Variants in GLYATL3 observed in about 807,000 individuals in gnomAD.
GLYATL3 encodes the protein glycine N-acyltransferase-like protein 3.
A neutral mutation model predicts 28.5 loss-of-function variants in GLYATL3; 31 were observed. That is an observed-to-expected ratio of 1.09 (90% CI 0.82 to 1.47). The LOEUF is 1.47. Among genes scored for constraint, GLYATL3 ranks in the 40% most tolerant of loss-of-function variants. The probability of loss-of-function intolerance (pLI) is 0.00; values close to 1 mark genes in which losing one functional copy is unlikely to be tolerated. For synonymous variants in GLYATL3, 141 were observed against 140.2 expected, an observed-to-expected ratio of 1.01 and a Z score of -0.04; for missense variants, 369 against 351.5, an observed-to-expected ratio of 1.05 and a Z score of -0.40.
intron 1 of GLYATL3, among the ~76,000 whole-genome samples, chr6:49,503,291 T>C (rs886734142): frequency 3.9e-5 from 6 of 152,284 alleles, no homozygotes; most frequent in African/African-American, 1.4e-4. Flanking sequence ...GTTGTCTTAG[T>C]TTTCGAGGTG....
chr6:49,517,513 A>G lies in GLYATL3; in HGVS notation c.270A>G (p.Glu90=), dbSNP rs1194966370. The G allele has an allele frequency of 6.4e-7, 1 of 1,551,168 alleles. No homozygotes were observed. Among genetic ancestry groups the G allele is most frequent in the Non-Finnish European group, 8.7e-7 (1 of 1,146,490 alleles). ...TCAGGGCTTATCGACAGCTATTGGA[A>G]GAATGTGATGTTTTTAACTGGGACC... ...KDVRAYRQLL[E]ECDVFNWDQV... Residue 90 remains glutamate (E), a synonymous_variant, in exon 4 of 6, where the codon GAA becomes GAG. Coordinates refer to ENST00000371197, the MANE Select transcript of GLYATL3 (RefSeq NM_001010904.2).
rs900626026 is a variant in GLYATL3 at position 49,527,426 on chromosome 6, A to T, written c.*512A>T. On this transcript the variant is annotated 3_prime_UTR_variant, in exon 6 of 6. Coordinates refer to ENST00000371197, the MANE Select transcript of GLYATL3 (RefSeq NM_001010904.2). The stretch of plus-strand genomic sequence containing the variant: ...GTAACCTCCTTTTTCCCCTTTAATT[A>T]CTTGCTCTTTACTTCTGCCTAGGAC... Among the ~76,000 whole-genome samples, 2 of 151,938 alleles carry T rather than the reference A, an allele frequency of 1.3e-5. No individual in the cohort carries two copies. The highest frequency in any genetic ancestry group is 2.9e-5 in the Non-Finnish European group (2 of 68,002).
intron 4 of GLYATL3, 136 bp downstream of exon 4, chr6:49,517,692 C>A: frequency 1.8e-6 from 1 of 546,212 alleles, no homozygotes; most frequent in Non-Finnish European, 3.0e-6. Flanking sequence ...AATACATACA[C>A]ATACATTTTA....
chr6:49,518,048 G>A (rs1238949715), intron 4 of GLYATL3, among the ~76,000 whole-genome samples: 1 of 152,002 alleles, frequency 6.6e-6, no homozygotes, highest in Non-Finnish European at 1.5e-5. Context: ...TCTGAGTCAA[G>A]GTCTTGCTCT....
intron 4 of GLYATL3, among the ~76,000 whole-genome samples, chr6:49,519,487 T>C (rs1489379741): frequency 2.0e-5 from 3 of 152,198 alleles, no homozygotes; most frequent in Non-Finnish European, 2.9e-5. Flanking sequence ...GAATACTGAA[T>C]ACCTTCTAAG....
chr6:49,509,967 TTTCTTTCTTTC>T (rs1315632129), intron 1 of GLYATL3, among the ~76,000 whole-genome samples: 7 of 145,740 alleles, frequency 4.8e-5, no homozygotes, highest in African/African-American at 1.8e-4. Flanking sequence ...TCTTTCTTTC[TTTCTTTCTTTC>T]TTTCTTTCTT....
chr6:49,507,168 A>AG (rs1262465450), intron 1 of GLYATL3, among the ~76,000 whole-genome samples: 1 of 152,130 alleles, frequency 6.6e-6, no homozygotes, highest in African/African-American at 2.4e-5. Flanking sequence ...GAGGACTAGT[A>AG]GGGGGGTCAG....
chr6:49,510,564 A>C (rs1769104765), intron 1 of GLYATL3, among the ~76,000 whole-genome samples: 1 of 152,238 alleles, frequency 6.6e-6, no homozygotes, highest in Non-Finnish European at 1.5e-5. Context: ...AATTCGAATA[A>C]ATAAATGTAT....
chr6:49,503,820 G>A (rs1768958781), intron 1 of GLYATL3, among the ~76,000 whole-genome samples: 1 of 152,200 alleles, frequency 6.6e-6, no homozygotes, highest in South Asian at 2.1e-4. Flanking sequence ...CCAGATGGTA[G>A]TGTGACTGCC....
chr6:49,516,745 G>T (rs994208584), intron 3 of GLYATL3, among the ~76,000 whole-genome samples: 1 of 152,022 alleles, frequency 6.6e-6, no homozygotes, highest in Non-Finnish European at 1.5e-5. Flanking sequence ...AGTCAGCTAT[G>T]ATTTCACCAC....
chr6:49,514,331 T>C (rs1274284311), intron 2 of GLYATL3, among the ~76,000 whole-genome samples: 1 of 152,210 alleles, frequency 6.6e-6, no homozygotes, highest in Non-Finnish European at 1.5e-5. Context: ...ATTATGTTTG[T>C]GAAATTAATT....
At chr6:49,519,227 A>G (rs1171930358) in intron 4 of GLYATL3, among the ~76,000 whole-genome samples, 1 of 152,200 alleles carries the variant, frequency 6.6e-6, no homozygotes, top group Admixed American at 6.5e-5. Flanking sequence ...CATTATATAG[A>G]AAAAAGTTAT....
chr6:49,504,444 A>G (rs1019834596), intron 1 of GLYATL3, among the ~76,000 whole-genome samples: 11 of 152,062 alleles, frequency 7.2e-5, no homozygotes, highest in African/African-American at 2.7e-4. Context: ...TTGACCGTAT[A>G]TTAGATTGAA....
chr6:49,502,097 T>C lies in GLYATL3; in HGVS notation c.-29+2055T>C, dbSNP rs1768923934. Among the ~76,000 whole-genome samples, 3 of 152,200 alleles carry C rather than the reference T, an allele frequency of 2.0e-5. No individual in the cohort carries two copies. In the South Asian group the frequency reaches 6.2e-4, roughly 32 times the overall value. ...CAGGAGCATTTCATCTTTTACTCCA[T>C]AGCAATAGTTTCAGGGGGTCTCCCT... On this transcript the variant is annotated intron_variant, in intron 1 of 5. Transcript: ENST00000371197.
Position 49,526,842 on chromosome 6 carries a change from T to G in GLYATL3, c.795T>G (p.Ala265=), listed in dbSNP as rs1366106340. Residue 265 remains alanine (A), a synonymous_variant, in exon 6 of 6, where the codon GCT becomes GCG. Coordinates refer to ENST00000371197, the MANE Select transcript of GLYATL3 (RefSeq NM_001010904.2). ...ASISLLKSLH[A]EFLPCRFHRL... ...TAAGCCTCCTGAAGAGTCTCCATGCTGAGTTCTTGCCTTGTCGCTTCCACA... is the reference window on the plus strand; with the variant it reads ...TAAGCCTCCTGAAGAGTCTCCATGCGGAGTTCTTGCCTTGTCGCTTCCACA... 6.4e-7 allele frequency: 1 copy of G among 1,552,122 alleles called. No homozygotes were observed. The highest frequency in any genetic ancestry group is 8.7e-7 in the Non-Finnish European group (1 of 1,147,032).
rs1361409791 is a variant in GLYATL3, at chr6:49,527,121, C to T, written c.*207C>T. ...AAATAGCTGTGGGGGTGAAGAGTAG[C>T]TGTGGCTGAAGACTGAGGACGATTG... On this transcript the variant is annotated 3_prime_UTR_variant, in exon 6 of 6. Coordinates refer to ENST00000371197, the MANE Select transcript of GLYATL3 (RefSeq NM_001010904.2). 11 of 527,576 alleles carry T rather than the reference C, an allele frequency of 2.1e-5. No homozygotes were observed. The South Asian group carries it at 2.2e-4, about 10-fold the overall frequency. 32.7% of individuals were successfully genotyped at this position (527,576 alleles called of 1,614,324 possible).
At chr6:49,510,526 T>G (rs1160630526) in intron 1 of GLYATL3, among the ~76,000 whole-genome samples, 1 of 152,216 alleles carries the variant, frequency 6.6e-6, no homozygotes, top group Non-Finnish European at 1.5e-5. Context: ...TGAAATAATT[T>G]TGTTTCGTTT....
In GLYATL3 at chr6:49,526,953, A is replaced by G. The variant is rs1769432594; in HGVS notation, c.*39A>G. ...TGCAGTGGTTTTATTACTTTCCCTG[A>G]GCATACACACACTCTTGGCTGCCAA... On this transcript the variant is annotated 3_prime_UTR_variant, in exon 6 of 6. Transcript: ENST00000371197. 7.2e-7 allele frequency: 1 copy of G among 1,393,978 alleles called. No individual in the cohort carries two copies. The highest frequency in any genetic ancestry group is 9.6e-7 in the Non-Finnish European group (1 of 1,047,112). The allele number at this position is 1,393,978 out of a possible 1,614,324, so 86.4% of individuals were successfully genotyped here. A position where few individuals can be genotyped will look rare whatever the true frequency, so the allele number is the denominator to read the frequency against.
At chr6:49,506,847 A>G (rs1204922639) in intron 1 of GLYATL3, among the ~76,000 whole-genome samples, 1 of 152,082 alleles carries the variant, frequency 6.6e-6, no homozygotes, top group Non-Finnish European at 1.5e-5. Flanking sequence ...GAAAAGAAGG[A>G]GAGTGAGGGC....
Sources: allele counts gnomAD v4.1 joint callset (sites outside exome capture counted in the v4.1 genomes callset), GRCh38; gene constraint gnomAD v4.1.1; transcripts MANE v1.5; gene names NCBI Gene and HGNC (gene_info 2026-07-23, HGNC 2026-07-21).